The following RALGAPA2 variants were observed in gnomAD, a reference collection of about 807,000 sequenced individuals.
RALGAPA2 encodes ral GTPase-activating protein subunit alpha-2.
In RALGAPA2, 139 loss-of-function variants were observed where a neutral mutation model predicts 230.4. The observed-to-expected ratio is 0.60, with a 90% confidence interval of 0.53 to 0.69. The LOEUF is 0.69. RALGAPA2 is among the 30% of genes least tolerant of loss of function. RALGAPA2 has a pLI of 0.00. For missense variants in RALGAPA2, 2,163 were observed against 2,276.0 expected, an observed-to-expected ratio of 0.95 and a Z score of 1.01; for synonymous variants, 847 against 837.8, an observed-to-expected ratio of 1.01 and a Z score of -0.19.
rs768895264 is a variant in RALGAPA2, at chr20:20,526,327, A to G, written c.3618T>C (p.Asp1206=). The part of the protein sequence containing the change: ...PNKIVAQVAC[D]VLQLLVSYWE... ...AGTAGGAAACCAGCAACTGAAGGAC[A>G]TCGCAAGCTACCTGGGCCACGATTT... is the stretch of plus-strand genomic sequence containing the variant. The change falls in exon 28 of 40, where the codon GAT becomes GAC. Residue 1206 remains aspartate, a synonymous_variant. Coordinates refer to ENST00000202677, the MANE Select transcript of RALGAPA2 (RefSeq NM_020343.4). 4.4e-6 allele frequency: 7 copies of G among 1,607,240 alleles called. No homozygotes were observed. The African/African-American group carries it at 5.4e-5, about 12-fold the overall frequency.
rs1426184724 is a variant in RALGAPA2 at position 20,394,967 on chromosome 20, A to AATT, written c.*36-1717_*36-1715dup. Among the ~76,000 whole-genome samples the AATT allele has an allele frequency of 2.0e-5, 3 of 151,524 alleles. No individual in the cohort carries two copies. In the East Asian group the frequency reaches 5.8e-4, roughly 29 times the overall value. On this transcript the variant is annotated intron_variant, in intron 39 of 39. Coordinates refer to ENST00000202677, the MANE Select transcript of RALGAPA2 (RefSeq NM_020343.4). ...CAAAGAGAAAGAGCGAACCTTTGCTAATTCTGGATTCGAAGGAAAACATTT... is the reference window on the plus strand; with the variant it reads ...CAAAGAGAAAGAGCGAACCTTTGCTAATTATTCTGGATTCGAAGGAAAACATTT...
At chr20:20,544,497 C>A (rs932236659) in intron 24 of RALGAPA2, among the ~76,000 whole-genome samples, 1 of 151,990 alleles carries the variant, frequency 6.6e-6, no homozygotes, top group Non-Finnish European at 1.5e-5. Context: ...ACCATTTGAC[C>A]CAGCAATCCC....
chr20:20,667,449 C>A (rs1043150192), intron 3 of RALGAPA2, among the ~76,000 whole-genome samples: 2 of 152,200 alleles, frequency 1.3e-5, no homozygotes, highest in Admixed American at 1.3e-4. Flanking sequence ...TCCAATCCAG[C>A]ATAACACCAA....
intron 37 of RALGAPA2, among the ~76,000 whole-genome samples, chr20:20,428,629 T>A (rs6035626): frequency 0.64 from 97,760 of 151,572 alleles, 31,539 homozygotes; most frequent in African/African-American, 0.69. Flanking sequence ...CTGGACATGA[T>A]CCCAAATGTG....
At chr20:20,418,221 A>G (rs1300916224) in intron 37 of RALGAPA2, among the ~76,000 whole-genome samples, 1 of 152,242 alleles carries the variant, frequency 6.6e-6, no homozygotes, top group Non-Finnish European at 1.5e-5. Flanking sequence ...TGGGCAACCA[A>G]GAGATAAACC....
At chr20:20,408,188 C>T (rs117327565) in intron 38 of RALGAPA2, among the ~76,000 whole-genome samples, 1 of 152,332 alleles carries the variant, frequency 6.6e-6, no homozygotes, top group Non-Finnish European at 1.5e-5. Context: ...CGAGAAGAAC[C>T]ACTCATTTAA....
intron 33 of RALGAPA2, among the ~76,000 whole-genome samples, chr20:20,510,708 C>T (rs75581701): frequency 0.017 from 2,568 of 152,238 alleles, 93 homozygotes; most frequent in East Asian, 0.14. Context: ...TTTAGAAATG[C>T]TTCTGAGACA....
At chr20:20,549,690 G>A (rs1373709427) in intron 23 of RALGAPA2, among the ~76,000 whole-genome samples, 4 of 152,136 alleles carry the variant, frequency 2.6e-5, no homozygotes, top group African/African-American at 9.7e-5. Flanking sequence ...ACTCAAAGAA[G>A]AGCCGCTGCA....
chr20:20,421,487 G>A (rs918876797), intron 37 of RALGAPA2, among the ~76,000 whole-genome samples: 5 of 152,090 alleles, frequency 3.3e-5, no homozygotes, highest in African/African-American at 7.2e-5. Flanking sequence ...CCTGACCAAC[G>A]TGGAGAAACC....
At chr20:20,468,438 G>GT (rs11482425) in intron 37 of RALGAPA2, among the ~76,000 whole-genome samples, 152,225 of 152,230 alleles carry the variant, frequency 1, 76,110 homozygotes, top group Non-Finnish European at 1. Flanking sequence ...ACTCAGGAGT[G>GT]TTTCTTTGTG....
chr20:20,501,646 C>G (rs956960882), intron 35 of RALGAPA2, among the ~76,000 whole-genome samples: 1 of 152,216 alleles, frequency 6.6e-6, no homozygotes, highest in Non-Finnish European at 1.5e-5. Context: ...TGGAGTAGCA[C>G]TTTTAATTTC....
chr20:20,463,791 G>T (rs1411669364), intron 37 of RALGAPA2, among the ~76,000 whole-genome samples: 2 of 152,196 alleles, frequency 1.3e-5, no homozygotes, highest in Non-Finnish European at 2.9e-5. Flanking sequence ...TGAATACTCA[G>T]ACATTAATAA....
intron 36 of RALGAPA2, among the ~76,000 whole-genome samples, chr20:20,490,135 T>C (rs1337242724): frequency 6.6e-6 from 1 of 152,226 alleles, no homozygotes; most frequent in Non-Finnish European, 1.5e-5. Context: ...AGGCTTATTG[T>C]ATAAATAAAC....
intron 20 of RALGAPA2, among the ~76,000 whole-genome samples, chr20:20,579,809 G>T (rs1291015602): frequency 6.6e-6 from 1 of 152,040 alleles, no homozygotes; most frequent in African/African-American, 2.4e-5. Flanking sequence ...ACAGAAATGT[G>T]TTGAACAATA....
At chr20:20,600,955 C>A (rs907252046) in intron 16 of RALGAPA2, among the ~76,000 whole-genome samples, 3 of 152,090 alleles carry the variant, frequency 2.0e-5, no homozygotes, top group Non-Finnish European at 2.9e-5. Context: ...CAAAAATTAG[C>A]CGGGCGTCGT....
At chr20:20,628,256 C>T (rs2066554097) in intron 10 of RALGAPA2, among the ~76,000 whole-genome samples, 1 of 152,142 alleles carries the variant, frequency 6.6e-6, no homozygotes, top group African/African-American at 2.4e-5. Flanking sequence ...CAAAAACTTG[C>T]CTCACCATAA....
Position 20,513,051 on chromosome 20 carries a change from G to A in RALGAPA2, c.4318C>T (p.Leu1440Phe). The part of the protein sequence containing the change: ...VFNDSTLISY[L>F]QTPTEGPVGG... Reference sequence around the variant, plus strand: ...ACCGGTCCTTCTGTGGGTGTCTGAAGGTAGGAGATGAGGGTGCTATCATTA... The same window carrying A: ...ACCGGTCCTTCTGTGGGTGTCTGAAAGTAGGAGATGAGGGTGCTATCATTA... Residue 1440 changes from leucine to phenylalanine, a missense_variant, in exon 32 of 40, where the codon CTT becomes TTT. Coordinates refer to ENST00000202677, the MANE Select transcript of RALGAPA2 (RefSeq NM_020343.4). 6.2e-7 allele frequency: 1 copy of A among 1,612,038 alleles called. No homozygotes were observed. Among genetic ancestry groups the A allele is most frequent in the Non-Finnish European group, 8.5e-7 (1 of 1,179,150 alleles).
chr20:20,421,621 G>T (rs1274426341), intron 37 of RALGAPA2, among the ~76,000 whole-genome samples: 1 of 152,192 alleles, frequency 6.6e-6, no homozygotes, highest in Non-Finnish European at 1.5e-5. Context: ...AGTGAGCCAA[G>T]ATCACACCAT....
intron 1 of RALGAPA2, among the ~76,000 whole-genome samples, chr20:20,681,540 A>G (rs949103474): frequency 2.6e-5 from 4 of 152,232 alleles, no homozygotes; most frequent in African/African-American, 9.6e-5. Context: ...CAGCCAGGGT[A>G]AAACCTCACA....
Sources: allele counts gnomAD v4.1 joint callset (sites outside exome capture counted in the v4.1 genomes callset), GRCh38; gene constraint gnomAD v4.1.1; transcripts MANE v1.5; gene names NCBI Gene and HGNC (gene_info 2026-07-23, HGNC 2026-07-21).